CDK18: variants seen among roughly 807,000 people sequenced by gnomAD.
CDK18 encodes the protein cyclin dependent kinase 18.
In CDK18, 52 loss-of-function variants were observed where a neutral mutation model predicts 62.0. That is an observed-to-expected ratio of 0.84 (90% CI 0.67 to 1.06). The LOEUF (loss-of-function observed/expected upper bound fraction) is 1.06. Ranked by LOEUF, CDK18 falls within the 50% of genes least tolerant of loss-of-function variation. CDK18 has a pLI of 0.00. For missense variants in CDK18, 604 were observed against 619.9 expected, an observed-to-expected ratio of 0.97 and a Z score of 0.27; for synonymous variants, 237 against 247.0, an observed-to-expected ratio of 0.96 and a Z score of 0.38.
Position 205,530,327 on chromosome 1 carries a change from G to C in CDK18, c.1290G>C (p.Glu430Asp). 1.2e-6 allele frequency: 2 copies of C among 1,613,106 alleles called. No individual in the cohort carries two copies. Among genetic ancestry groups the C allele is most frequent in the Non-Finnish European group, 1.7e-6 (2 of 1,180,028 alleles). ...LSHSYFRSLG[E>D]RVHQLEDTAS... ...ACTCCTACTTCCGGTCTCTGGGAGA[G>C]CGTGTGCACCAGCTTGAAGACAGTG... The change falls in exon 14 of 16, where the codon GAG becomes GAC. Residue 430 changes from glutamate to aspartate, a missense_variant. Transcript: ENST00000429964.
intron 1 of CDK18, among the ~76,000 whole-genome samples, chr1:205,515,173 A>G (rs573854352): frequency 1.4e-4 from 17 of 117,758 alleles, no homozygotes; most frequent in Non-Finnish European, 2.7e-4. Flanking sequence ...GCTTTGAAGG[A>G]TTTTTTTTTT....
intron 1 of CDK18, among the ~76,000 whole-genome samples, chr1:205,519,630 A>G (rs1050083799): frequency 6.6e-6 from 1 of 151,934 alleles, no homozygotes; most frequent in African/African-American, 2.4e-5. Flanking sequence ...TTGGCCCCAC[A>G]TTCCTGCTCC....
At chr1:205,508,430 G>T (rs547069581) in intron 1 of CDK18, among the ~76,000 whole-genome samples, 1 of 152,368 alleles carries the variant, frequency 6.6e-6, no homozygotes, top group African/African-American at 2.4e-5. Flanking sequence ...TGGTAGCTGG[G>T]CCTGGCTGGA....
chr1:205,526,115 T>C lies in CDK18; in HGVS notation c.507T>C (p.Leu169=). The C allele has an allele frequency of 6.2e-7, 1 of 1,614,024 alleles. No homozygotes were observed. The highest frequency in any genetic ancestry group is 8.5e-7 in the Non-Finnish European group (1 of 1,179,970). The change falls in exon 6 of 16, where the codon CTT becomes CTC. Residue 169 remains leucine, a synonymous_variant. Transcript: ENST00000429964. ...FKGRSKLTEN[L]VALKEIRLEH... Reference sequence around the variant, plus strand: ...GGCGCAGCAAACTGACGGAGAACCTTGTGGCCCTGAAAGAGATCCGGCTGG... The same window carrying C: ...GGCGCAGCAAACTGACGGAGAACCTCGTGGCCCTGAAAGAGATCCGGCTGG...
Position 205,523,311 on chromosome 1 carries a change from G to A in CDK18, c.130+14G>A, listed in dbSNP as rs768587858. On this transcript the variant is annotated intron_variant, in intron 2 of 15. Coordinates refer to ENST00000429964, the MANE Select transcript of CDK18 (RefSeq NM_212502.3). ...GGCGGAATGAGAGTGAGGGGTCTGG[G>A]CCCACCCAGCACCTCTCCCACCTAC... 9.3e-6 allele frequency: 15 copies of A among 1,613,824 alleles called. No individual in the cohort carries two copies. Among genetic ancestry groups the A allele is most frequent in the Non-Finnish European group, 1.1e-5 (13 of 1,179,960 alleles).
In CDK18 at chr1:205,525,257, A is replaced by G. The variant is rs914892718; in HGVS notation, c.456+62A>G. The G allele has an allele frequency of 4.0e-6, 5 of 1,260,132 alleles. No homozygotes were observed. The African/African-American group carries it at 7.4e-5, about 19-fold the overall frequency. The allele number at this position is 1,260,132 out of a possible 1,614,324, so 78.1% of individuals were successfully genotyped here. On this transcript the variant is annotated intron_variant, in intron 5 of 15. Transcript: ENST00000429964. ...GCAGGATGGCTTGGAGGAGGGGCAG[A>G]CCTCCCTAGTCGGCCCTCTCTGGTC...
At position 205,527,955 on chromosome 1, in the gene CDK18, G is replaced by A; in HGVS notation, c.853+38G>A. 1.9e-6 allele frequency: 3 copies of A among 1,613,304 alleles called. No homozygotes were observed. Among genetic ancestry groups the A allele is most frequent in the Middle Eastern group, 1.7e-4 (1 of 6,056 alleles). ...CTAGGGTGGGGGTCTGACGCTACTG[G>A]GGTGCCTCAGGGTGTGGGTGCAGTG... On this transcript the variant is annotated intron_variant, in intron 9 of 15. Coordinates refer to ENST00000429964, the MANE Select transcript of CDK18 (RefSeq NM_212502.3). This position sits in a 1 kb window ranked among gnomAD's most constrained non-coding sequence, Gnocchi z 4.1.
Position 205,528,187 on chromosome 1 carries a change from G to A in CDK18, c.974+19G>A, listed in dbSNP as rs200156725. 661 of 1,612,556 alleles carry A rather than the reference G, an allele frequency of 4.1e-4. 7 individuals carry two copies. Among genetic ancestry groups the A allele is most frequent in the South Asian group, 3.9e-3 (358 of 90,990 alleles). ...ATATGTGGTGAGTGAGCACTGTGGGGACCGAGGAGGGGAGGACAGGCCTGG... is the reference window on the plus strand; with the variant it reads ...ATATGTGGTGAGTGAGCACTGTGGGAACCGAGGAGGGGAGGACAGGCCTGG... On this transcript the variant is annotated intron_variant, in intron 10 of 15. Transcript: ENST00000429964. The surrounding 1 kb of genome is among the most constrained non-coding windows in gnomAD (Gnocchi z 4.2).
chr1:205,525,574 T>C (rs1446982299), intron 5 of CDK18, among the ~76,000 whole-genome samples: 1 of 152,212 alleles, frequency 6.6e-6, no homozygotes, highest in Non-Finnish European at 1.5e-5. Flanking sequence ...GAGACAGTAA[T>C]TGTCCTATCA....
intron 1 of CDK18, among the ~76,000 whole-genome samples, chr1:205,518,356 G>A (rs1403356046): frequency 6.6e-6 from 1 of 152,206 alleles, no homozygotes; most frequent in Non-Finnish European, 1.5e-5. Context: ...TGCCTGGCAT[G>A]CAGCAGGTGT....
At chr1:205,507,193 T>C (rs936141461) in intron 1 of CDK18, among the ~76,000 whole-genome samples, 1 of 152,174 alleles carries the variant, frequency 6.6e-6, no homozygotes, top group Non-Finnish European at 1.5e-5. Context: ...GCTTGAGAAC[T>C]AAAGGGGAGG....
intron 1 of CDK18, among the ~76,000 whole-genome samples, chr1:205,507,661 A>AAT (rs1667378433): frequency 6.6e-6 from 1 of 150,404 alleles, no homozygotes. Context: ...AAAAAAAAAA[A>AAT]AATAATGCAC....
In CDK18 at chr1:205,530,541, G is replaced by A. The variant is rs550361223; in HGVS notation, c.1313-87G>A. The A allele has an allele frequency of 1.8e-5, 24 of 1,306,072 alleles. No individual in the cohort carries two copies. The East Asian group carries it at 3.6e-4, about 20-fold the overall frequency. The allele number at this position is 1,306,072 out of a possible 1,614,324, so 80.9% of individuals were successfully genotyped here. ...AACAGTGGAAATGAGACGCTGCCTC[G>A]AGGGCTCAGTTGGTCCTTCTGGGCC... On this transcript the variant is annotated intron_variant, in intron 14 of 15. Coordinates refer to ENST00000429964, the MANE Select transcript of CDK18 (RefSeq NM_212502.3).
chr1:205,526,631 G>A, intron 7 of CDK18, 144 bp from the exon 8 acceptor site: 1 of 954,338 alleles, frequency 1.0e-6, no homozygotes, highest in Non-Finnish European at 1.7e-6. Flanking sequence ...AAGAGCTCAG[G>A]CTTACGGGTG....
chr1:205,511,632 G>A (rs774458905), intron 1 of CDK18, among the ~76,000 whole-genome samples: 4 of 152,230 alleles, frequency 2.6e-5, no homozygotes, highest in Non-Finnish European at 5.9e-5. Context: ...TACTGCTGGT[G>A]TTTTGACTTA....
chr1:205,523,325 T>C (rs1668233236), intron 2 of CDK18, 28 bp downstream of exon 2: 1 of 1,613,420 alleles, frequency 6.2e-7, no homozygotes, highest in Non-Finnish European at 8.5e-7. Flanking sequence ...ACCCAGCACC[T>C]CTCCCACCTA....
chr1:205,522,339 T>C (rs1289551790), intron 1 of CDK18: 2 of 152,136 alleles, frequency 1.3e-5, no homozygotes, highest in African/African-American at 4.8e-5. Context: ...CTTGGAGGGC[T>C]CTGGCATGGG....
chr1:205,525,887 G>C (rs1441836560), intron 5 of CDK18, among the ~76,000 whole-genome samples, 178 bp from the exon 6 acceptor site: 4 of 152,200 alleles, frequency 2.6e-5, no homozygotes, highest in Non-Finnish European at 5.9e-5. Flanking sequence ...TCCGACTGGG[G>C]AGTCATTAGG....
In CDK18 at chr1:205,529,521, G is replaced by A; in HGVS notation, c.1179G>A (p.Arg393=). ...LPQPLINHAP[R]LDTDGIHLLS... ...CTGTGTCCGCGCCTTCTCCTTGCAG[G>A]TTGGATACGGATGGCATCCACCTCC... Residue 393 remains arginine (R), a splice_region_variant and synonymous_variant, in exon 13 of 16, where the codon AGG becomes AGA. Transcript: ENST00000429964. 6.2e-7 allele frequency: 1 copy of A among 1,611,224 alleles called. No individual in the cohort carries two copies. The highest frequency in any genetic ancestry group is 8.5e-7 in the Non-Finnish European group (1 of 1,178,288).
Sources: allele counts gnomAD v4.1 joint callset (sites outside exome capture counted in the v4.1 genomes callset), GRCh38; gene constraint gnomAD v4.1.1; non-coding constraint Gnocchi (gnomAD v3.1); transcripts MANE v1.5; gene names NCBI Gene and HGNC (gene_info 2026-07-23, HGNC 2026-07-21).